The following BICD1 variants were observed in gnomAD, a reference collection of about 807,000 sequenced individuals.
The protein encoded by BICD1 is protein bicaudal D homolog 1.
BICD1 carries 35 observed loss-of-function variants against 92.5 expected under a neutral mutation model. The observed-to-expected ratio is 0.38, with a 90% CI of 0.29 to 0.50. The LOEUF (loss-of-function observed/expected upper bound fraction) is 0.50, where lower values mean the gene tolerates loss of function less well. BICD1 is among the 20% of genes least tolerant of loss of function. The pLI is 0.93. For missense variants in BICD1, 950 were observed against 1,189.8 expected (o/e 0.80, Z 2.97); for synonymous variants, 429 against 465.1 (o/e 0.92, Z 1.00).
chr12:32,245,251 T>TG, intron 2 of BICD1, among the ~76,000 whole-genome samples: 2 of 104,152 alleles, frequency 1.9e-5, no homozygotes, highest in East Asian at 2.2e-4. Context: ...TTGTTTTTTG[T>TG]TTTTTTTTTT....
chr12:32,312,198 A>AAAAAAC (rs1555167016), intron 4 of BICD1, among the ~76,000 whole-genome samples: 1 of 151,302 alleles, frequency 6.6e-6, no homozygotes, highest in Non-Finnish European at 1.5e-5. Context: ...GAACTATGGA[A>AAAAAAC]AAAACAAAAC....
At chr12:32,122,954 A>G (rs1294084313) in intron 1 of BICD1, among the ~76,000 whole-genome samples, 1 of 152,252 alleles carries the variant, frequency 6.6e-6, no homozygotes, top group Non-Finnish European at 1.5e-5. Context: ...CATTCCTACA[A>G]TAATGATTCA....
chr12:32,355,195 A>G (rs1939049984), intron 8 of BICD1, among the ~76,000 whole-genome samples: 1 of 152,250 alleles, frequency 6.6e-6, no homozygotes, highest in African/African-American at 2.4e-5. Flanking sequence ...TAACCTTAAA[A>G]TCTTTATCAG....
intron 2 of BICD1, among the ~76,000 whole-genome samples, chr12:32,273,598 G>A (rs908411446): frequency 1.3e-5 from 2 of 152,234 alleles, no homozygotes; most frequent in African/African-American, 4.8e-5. Context: ...ACCAAGCGGT[G>A]TCTAAATTTC....
At chr12:32,229,218 T>C (rs2121576274) in intron 2 of BICD1, among the ~76,000 whole-genome samples, 1 of 152,198 alleles carries the variant, frequency 6.6e-6, no homozygotes, top group Middle Eastern at 3.4e-3. Flanking sequence ...GCCACTGCAC[T>C]CCAGTCTTGG....
intron 2 of BICD1, among the ~76,000 whole-genome samples, chr12:32,252,088 A>ATATTATATAT (rs1946556831): frequency 7.8e-5 from 2 of 25,576 alleles, no homozygotes; most frequent in Non-Finnish European, 7.2e-5. Flanking sequence ...ATATTTATAA[A>ATATTATATAT]TATATATTTA....
chr12:32,110,565 C>T (rs1295442730), intron 1 of BICD1, among the ~76,000 whole-genome samples: 1 of 152,134 alleles, frequency 6.6e-6, no homozygotes, highest in African/African-American at 2.4e-5. Flanking sequence ...GTGAGGGTCA[C>T]CCATGCCCAG....
chr12:32,355,188 C>T (rs1939049632), intron 8 of BICD1, among the ~76,000 whole-genome samples: 1 of 152,174 alleles, frequency 6.6e-6, no homozygotes, highest in African/African-American at 2.4e-5. Flanking sequence ...ACTAAATTAA[C>T]CTTAAAATCT....
chr12:32,130,993 C>G (rs961684905), intron 1 of BICD1, among the ~76,000 whole-genome samples: 1 of 151,974 alleles, frequency 6.6e-6, no homozygotes, highest in African/African-American at 2.4e-5. Flanking sequence ...CACCACCATT[C>G]CCGGCTAATT....
At chr12:32,300,645 T>TTA (rs1948015476) in intron 3 of BICD1, among the ~76,000 whole-genome samples, 1 of 131,974 alleles carries the variant, frequency 7.6e-6, no homozygotes, top group South Asian at 2.6e-4. Context: ...TTTTTTTTTT[T>TTA]TTTTTTTTTT....
At chr12:32,304,526 A>C (rs11051918) in intron 3 of BICD1, among the ~76,000 whole-genome samples, 25,663 of 152,186 alleles carry the variant, frequency 0.17, 2,784 homozygotes, top group African/African-American at 0.3. Context: ...AAAAGTACTT[A>C]CTTTCTCTAA....
chr12:32,269,935 A>G (rs1421155659), intron 2 of BICD1, among the ~76,000 whole-genome samples: 1 of 151,886 alleles, frequency 6.6e-6, no homozygotes, highest in Non-Finnish European at 1.5e-5. Flanking sequence ...CAGCCTGGCC[A>G]ACGTAGCAAA....
At chr12:32,323,434 C>A (rs746465075) in intron 4 of BICD1, among the ~76,000 whole-genome samples, 1 of 152,174 alleles carries the variant, frequency 6.6e-6, no homozygotes, top group Non-Finnish European at 1.5e-5. Flanking sequence ...CCCTATGAGG[C>A]GTTACTGTGC....
intron 1 of BICD1, among the ~76,000 whole-genome samples, chr12:32,177,314 CAAAA>C (rs35641000): frequency 7.2e-6 from 1 of 138,142 alleles, no homozygotes; most frequent in East Asian, 2.1e-4. Context: ...GACTCAGTCT[CAAAA>C]AAAAAAAAGA....
chr12:32,180,016 G>C (rs1944227230), intron 1 of BICD1, among the ~76,000 whole-genome samples: 2 of 149,370 alleles, frequency 1.3e-5, no homozygotes, highest in Admixed American at 6.7e-5. Context: ...AAATTGGCAT[G>C]AGACTAAAGA....
rs1411722126 is a variant in BICD1, at chr12:32,225,621, G to GTTTTTGTTTTTTTTT, written c.426+9167_426+9168insGTTTTTTTTTTTTTT. Among the ~76,000 whole-genome samples the GTTTTTGTTTTTTTTT allele has an allele frequency of 4.7e-4, 44 of 92,776 alleles. 2 individuals carry two copies. Among genetic ancestry groups the GTTTTTGTTTTTTTTT allele is most frequent in the African/African-American group, 6.2e-4 (17 of 27,400 alleles). The allele number at this position is 92,776 out of a possible 152,430, so 60.9% of individuals were successfully genotyped here. On this transcript the variant is annotated intron_variant, in intron 2 of 9. Coordinates refer to ENST00000652176, the MANE Select transcript of BICD1 (RefSeq NM_001714.4). ...TGGTATTTGACAGTTCTTTTTTTCT[G>GTTTTTGTTTTTTTTT]TTTTTTTTTTTTTTTTTTTTAGACG... is the stretch of plus-strand genomic sequence containing the variant.
At chr12:32,290,282 T>C (rs1232456163) in intron 2 of BICD1, among the ~76,000 whole-genome samples, 3 of 152,232 alleles carry the variant, frequency 2.0e-5, no homozygotes, top group Non-Finnish European at 4.4e-5. Flanking sequence ...TGATGAAATC[T>C]GCACGTCTCT....
At position 32,377,740 on chromosome 12, in the gene BICD1, T is replaced by A. The variant is rs921528827; in HGVS notation, c.*113T>A. ...TCGGTTGTTAGATGTACAATTGGAT[T>A]AATGTCCATCGTTTTGGAAGACGAG... On this transcript the variant is annotated 3_prime_UTR_variant, in exon 10 of 10. Coordinates refer to ENST00000652176, the MANE Select transcript of BICD1 (RefSeq NM_001714.4). 11 of 913,070 alleles carry A rather than the reference T, an allele frequency of 1.2e-5. No individual in the cohort carries two copies. The highest frequency in any genetic ancestry group is 2.2e-4 in the Middle Eastern group (1 of 4,580). 56.6% of individuals were successfully genotyped at this position (913,070 alleles called of 1,614,324 possible).
intron 2 of BICD1, among the ~76,000 whole-genome samples, chr12:32,252,131 A>T (rs61571291): frequency 1.1e-4 from 13 of 120,734 alleles, no homozygotes; most frequent in Non-Finnish European, 1.6e-4. Context: ...ATTTATAATA[A>T]ATATTATATA....
Sources: allele counts gnomAD v4.1 joint callset (sites outside exome capture counted in the v4.1 genomes callset), GRCh38; gene constraint gnomAD v4.1.1; transcripts MANE v1.5; gene names NCBI Gene and HGNC (gene_info 2026-07-23, HGNC 2026-07-21).